KCNH5: variants seen among roughly 807,000 people sequenced by gnomAD.
KCNH5 encodes potassium voltage-gated channel subfamily H member 5.
In KCNH5, 46 loss-of-function variants were observed where a neutral mutation model predicts 96.1. The observed-to-expected ratio is 0.48, with a 90% CI of 0.38 to 0.61. The LOEUF is 0.61. KCNH5 is among the 20% of genes least tolerant of loss of function. The pLI is 0.00. For synonymous variants in KCNH5, 439 were observed against 449.8 expected (o/e 0.98, Z 0.30); for missense variants, 907 against 1,225.8 (o/e 0.74, Z 3.88).
intron 4 of KCNH5, among the ~76,000 whole-genome samples, chr14:62,989,112 C>A (rs1473956194): frequency 6.6e-6 from 1 of 152,004 alleles, no homozygotes; most frequent in Non-Finnish European, 1.5e-5. Context: ...CCTCTCTGCA[C>A]CCCTACTATG....
chr14:62,949,568 C>T (rs1457163209), intron 7 of KCNH5, among the ~76,000 whole-genome samples: 1 of 152,120 alleles, frequency 6.6e-6, no homozygotes, highest in Admixed American at 6.6e-5. Flanking sequence ...CTGTTAAATC[C>T]TAGACACTTC....
intron 7 of KCNH5, among the ~76,000 whole-genome samples, chr14:62,896,997 A>T (rs746629989): frequency 1.3e-5 from 2 of 152,218 alleles, no homozygotes; most frequent in Non-Finnish European, 2.9e-5. Context: ...TTAAAACAAA[A>T]CAATTATAGA....
intron 7 of KCNH5, 61 bp downstream of exon 7, chr14:62,950,072 G>A (rs41285520): frequency 0.011 from 16,335 of 1,443,126 alleles, 112 homozygotes; most frequent in Non-Finnish European, 0.014. Flanking sequence ...TCCTATCTGA[G>A]ATTGTAGCCA....
At chr14:62,861,837 T>C (rs1410457874) in intron 7 of KCNH5, among the ~76,000 whole-genome samples, 2 of 152,210 alleles carry the variant, frequency 1.3e-5, no homozygotes, top group South Asian at 2.1e-4. Flanking sequence ...ATTATTTCGA[T>C]ACAGAGATTT....
At chr14:62,797,462 GGTGCAAAAGAAA>G (rs1181721739) in intron 9 of KCNH5, among the ~76,000 whole-genome samples, 1 of 151,910 alleles carries the variant, frequency 6.6e-6, no homozygotes, top group African/African-American at 2.4e-5. Context: ...CAGAAGTATG[GGTGCAAAAGAAA>G]ATGATTTTCT....
At chr14:63,008,908 T>C (rs1891175086) in intron 2 of KCNH5, among the ~76,000 whole-genome samples, 1 of 152,130 alleles carries the variant, frequency 6.6e-6, no homozygotes, top group African/African-American at 2.4e-5. Context: ...AATATTTTTA[T>C]AGACAAGTGA....
At chr14:62,870,805 G>A (rs951872932) in intron 7 of KCNH5, among the ~76,000 whole-genome samples, 2 of 152,006 alleles carry the variant, frequency 1.3e-5, no homozygotes, top group Non-Finnish European at 2.9e-5. Flanking sequence ...CTCTGGCATA[G>A]GTCTATTATC....
intron 2 of KCNH5, 120 bp from the exon 3 acceptor site, chr14:63,006,592 A>G (rs909508404): frequency 1.6e-6 from 1 of 617,242 alleles, no homozygotes. Context: ...TATTGCTCCT[A>G]CACAGAATAG....
chr14:62,848,478 AC>A lies in KCNH5; in HGVS notation c.1569+1174del, dbSNP rs1217260384. ...AAATATTGAAAAGGGAGTAAATCTC[AC>A]CCCCTTTCACAATTCCTCCACATAG... On this transcript the variant is annotated intron_variant, in intron 8 of 10. Coordinates refer to ENST00000322893, the MANE Select transcript of KCNH5 (RefSeq NM_139318.5). Among the ~76,000 whole-genome samples the A allele has an allele frequency of 2.0e-5, 3 of 151,844 alleles. No individual in the cohort carries two copies. In the East Asian group the frequency reaches 5.8e-4, roughly 29 times the overall value.
chr14:62,797,493 G>C (rs1886564666), intron 9 of KCNH5, among the ~76,000 whole-genome samples: 1 of 152,030 alleles, frequency 6.6e-6, no homozygotes, highest in Admixed American at 6.6e-5. Context: ...CTGGAACTTG[G>C]GAAAAACCCT....
intron 9 of KCNH5, among the ~76,000 whole-genome samples, chr14:62,781,865 T>A (rs1886226220): frequency 6.6e-6 from 1 of 152,144 alleles, no homozygotes; most frequent in South Asian, 2.1e-4. Flanking sequence ...GCTGACAGGA[T>A]TAAGAGATTA....
intron 5 of KCNH5, among the ~76,000 whole-genome samples, chr14:62,985,459 T>C (rs1890686362): frequency 6.6e-6 from 1 of 152,202 alleles, no homozygotes; most frequent in Non-Finnish European, 1.5e-5. Context: ...CTCACTTTTC[T>C]GCAGCAGAGA....
chr14:62,847,089 C>T (rs936152107), intron 8 of KCNH5, among the ~76,000 whole-genome samples: 7 of 148,078 alleles, frequency 4.7e-5, no homozygotes, highest in East Asian at 3.9e-4. Context: ...CGTGAGCCAC[C>T]GCGCCCGGCC....
At chr14:63,044,853 C>G (rs1298515794) in intron 1 of KCNH5, among the ~76,000 whole-genome samples, 1 of 152,184 alleles carries the variant, frequency 6.6e-6, no homozygotes, top group African/African-American at 2.4e-5. Context: ...CTATCCAACC[C>G]CTTTCTTTCC....
At chr14:62,763,705 A>G (rs1885801483) in intron 10 of KCNH5, among the ~76,000 whole-genome samples, 1 of 152,190 alleles carries the variant, frequency 6.6e-6, no homozygotes, top group Non-Finnish European at 1.5e-5. Context: ...AGGAGACATT[A>G]CCATTGACCC....
chr14:62,833,913 C>T (rs1301798932), intron 8 of KCNH5, among the ~76,000 whole-genome samples: 1 of 151,906 alleles, frequency 6.6e-6, no homozygotes, highest in African/African-American at 2.4e-5. Flanking sequence ...TGACCAAGTC[C>T]CACTGTCTTA....
intron 2 of KCNH5, among the ~76,000 whole-genome samples, chr14:63,014,283 A>G (rs1378017089): frequency 7.2e-6 from 1 of 138,092 alleles, no homozygotes; most frequent in African/African-American, 2.7e-5. Flanking sequence ...TGCTATCCAG[A>G]GCATGTGAGA....
At chr14:62,901,473 G>C (rs552706797) in intron 7 of KCNH5, among the ~76,000 whole-genome samples, 19 of 152,224 alleles carry the variant, frequency 1.2e-4, no homozygotes, top group Admixed American at 1.2e-3. Context: ...GTGGAAACCT[G>C]CAGTATTTAG....
chr14:62,849,475 T>G (rs904098908), intron 8 of KCNH5, among the ~76,000 whole-genome samples, 178 bp downstream of exon 8: 19 of 152,350 alleles, frequency 1.2e-4, no homozygotes, highest in Admixed American at 6.5e-4. Context: ...GATTAATGGT[T>G]CAGTGCTTTG....
Sources: gnomAD v4.1 joint callset for allele counts (sites outside exome capture counted in the v4.1 genomes callset) on GRCh38, gnomAD v4.1.1 for gene constraint, MANE v1.5 for transcripts, NCBI Gene and HGNC (gene_info 2026-07-23, HGNC 2026-07-21) for gene names.